The following ZNF589 variants were observed in gnomAD, a reference collection of about 807,000 sequenced individuals.
ZNF589 encodes zinc finger protein 589, also known as KRAB-zinc finger protein SZF1-1.
A neutral mutation model predicts 13.6 loss-of-function variants in ZNF589; 17 were observed. The observed-to-expected ratio is 1.25, with a 90% confidence interval of 0.86 to 1.88. The LOEUF (loss-of-function observed/expected upper bound fraction) is 1.88. Ranked by LOEUF, ZNF589 falls within the 40% of genes most tolerant of loss-of-function variation. ZNF589 has a pLI of 0.00. For missense variants in ZNF589, 407 were observed against 434.0 expected (o/e 0.94, Z 0.55); for synonymous variants, 148 against 161.6 (o/e 0.92, Z 0.64).
At chr3:48,259,918 CAAAAAAAA>C (rs538817691) in intron 2 of ZNF589, among the ~76,000 whole-genome samples, 1 of 98,162 alleles carries the variant, frequency 1.0e-5, no homozygotes, top group African/African-American at 4.0e-5. Context: ...GACTCCGTAT[CAAAAAAAA>C]AAAAAAAAAA....
chr3:48,248,471 C>T (rs1053566983), intron 2 of ZNF589, among the ~76,000 whole-genome samples: 5 of 152,146 alleles, frequency 3.3e-5, no homozygotes, highest in Admixed American at 2.0e-4. Context: ...TCCAACTCTA[C>T]GAAATGGGGT....
rs1182649522 is a variant in ZNF589, at chr3:48,270,255, C to T, written c.*1469C>T. ...TTTACCAGGTCCCCTTCCTAACCCT[C>T]CAGTCCCAAATCCAAGATTCTTTAA... On this transcript the variant is annotated 3_prime_UTR_variant, in exon 4 of 4. Coordinates refer to ENST00000354698, the MANE Select transcript of ZNF589 (RefSeq NM_016089.3). 1 of 457,028 alleles carries T rather than the reference C, an allele frequency of 2.2e-6. No individual in the cohort carries two copies. Among genetic ancestry groups the T allele is most frequent in the East Asian group, 6.9e-5 (1 of 14,394 alleles). 28.3% of individuals were successfully genotyped at this position (457,028 alleles called of 1,614,324 possible). A position where few individuals can be genotyped will look rare whatever the true frequency, so the allele number is the denominator to read the frequency against.
At position 48,260,628 on chromosome 3, in the gene ZNF589, C is replaced by T. The variant is rs528069092; in HGVS notation, c.97-185C>T. 5.3e-5 allele frequency among the ~76,000 whole-genome samples: 8 copies of T among 152,234 alleles called. No individual in the cohort carries two copies. In the South Asian group the frequency reaches 8.3e-4, roughly 16 times the overall value. ...TTCACCATATTGGCCAGTCTGGTCT[C>T]GAACTCCTGACCTCAAGATAACCTC... On this transcript the variant is annotated intron_variant, in intron 2 of 3. Coordinates refer to ENST00000354698, the MANE Select transcript of ZNF589 (RefSeq NM_016089.3).
chr3:48,241,418 C>T (rs1444593800), intron 1 of ZNF589, among the ~76,000 whole-genome samples: 13 of 152,270 alleles, frequency 8.5e-5, no homozygotes, highest in Admixed American at 8.5e-4. Flanking sequence ...CACTCCACGA[C>T]TCTTCACCGG....
intron 3 of ZNF589, among the ~76,000 whole-genome samples, chr3:48,265,299 T>A (rs2034008381): frequency 7.2e-6 from 1 of 138,768 alleles, no homozygotes; most frequent in Non-Finnish European, 1.6e-5. Flanking sequence ...TTTTTTTTTT[T>A]TTGGAGACAG....
rs748300010 is a variant in ZNF589, at chr3:48,268,383, T to G, written c.692T>G (p.Phe231Cys). 7 of 1,614,154 alleles carry G rather than the reference T, an allele frequency of 4.3e-6. No individual in the cohort carries two copies. The East Asian group carries it at 1.6e-4, about 36-fold the overall frequency. Residue 231 changes from phenylalanine to cysteine, a missense_variant, in exon 4 of 4, where the codon TTC (phenylalanine) becomes TGC (cysteine). Coordinates refer to ENST00000354698, the MANE Select transcript of ZNF589 (RefSeq NM_016089.3). The part of the protein sequence containing the change: ...ALAFNQKSNL[F>C]RQKAVTAEKS... ...GCTTTTAACCAGAAGTCAAACCTGT[T>G]CAGACAGAAGGCAGTCACAGCAGAA...
chr3:48,268,445 G>T lies in ZNF589; in HGVS notation c.754G>T (p.Glu252Ter), dbSNP rs371658406. The change falls in exon 4 of 4, where the codon GAG becomes TAG. Residue 252 changes from glutamate to a stop codon, truncating the protein, a stop_gained. Coordinates refer to ENST00000354698, the MANE Select transcript of ZNF589 (RefSeq NM_016089.3). LOFTEE classifies it low-confidence loss of function (END_TRUNC). ...SDKRQSQVCR[E>*]CGRGFSRKSQ... ...CAAAAGGCAGTCACAGGTGTGCAGGGAGTGTGGGCGAGGCTTTAGCAGGAA... is the reference window on the plus strand; with the variant it reads ...CAAAAGGCAGTCACAGGTGTGCAGGTAGTGTGGGCGAGGCTTTAGCAGGAA... 6.2e-7 allele frequency: 1 copy of T among 1,614,094 alleles called. No individual in the cohort carries two copies. Among genetic ancestry groups the T allele is most frequent in the African/African-American group, 1.3e-5 (1 of 74,934 alleles).
At chr3:48,242,334 A>G (rs1182861848) in intron 1 of ZNF589, among the ~76,000 whole-genome samples, 2 of 150,706 alleles carry the variant, frequency 1.3e-5, no homozygotes, top group Non-Finnish European at 3.0e-5. Context: ...CCGGTCTTGA[A>G]CTCCTGACCC....
intron 3 of ZNF589, among the ~76,000 whole-genome samples, chr3:48,267,117 A>C (rs1178165342): frequency 2.0e-5 from 3 of 152,214 alleles, no homozygotes; most frequent in Non-Finnish European, 4.4e-5. Flanking sequence ...GCCAAGTTCT[A>C]CCAGAAGTGA....
At chr3:48,256,209 C>T (rs2033901379) in intron 2 of ZNF589, 2 of 319,752 alleles carry the variant, frequency 6.3e-6, no homozygotes, top group Admixed American at 4.6e-5. Context: ...ATCCCACTGT[C>T]CCCTGTCCAT....
chr3:48,241,181 C>T lies in ZNF589; in HGVS notation c.10C>T (p.Pro4Ser), dbSNP rs1271684872. ...GTGCGTGCGCGCGCAGATGTGGGCC[C>T]CGCGGGAGCAGCTACTGGGCTGGAC... MWA[P>S]REQLLGWTAE... The change falls in exon 1 of 4, where the codon CCG (proline) becomes TCG (serine). Residue 4 changes from proline (P) to serine (S), a missense_variant. Physicochemically the swap from Pro to Ser is moderately conservative, Grantham distance 74 (BLOSUM62 -1). Coordinates refer to ENST00000354698, the MANE Select transcript of ZNF589 (RefSeq NM_016089.3). The T allele has an allele frequency of 3.1e-6, 5 of 1,613,652 alleles. No individual in the cohort carries two copies. The highest frequency in any genetic ancestry group is 2.5e-6 in the Non-Finnish European group (3 of 1,179,916).
At chr3:48,247,803 A>G (rs1451634015) in intron 2 of ZNF589, 126 bp downstream of exon 2, 1 of 974,786 alleles carries the variant, frequency 1.0e-6, no homozygotes, top group Non-Finnish European at 1.5e-6. Flanking sequence ...TGTGTTAGCC[A>G]TTGTTCTAGG....
At chr3:48,250,399 C>T (rs765225401) in intron 2 of ZNF589, among the ~76,000 whole-genome samples, 1 of 150,126 alleles carries the variant, frequency 6.7e-6, no homozygotes, top group Non-Finnish European at 1.5e-5. Context: ...CAGTCCTCCC[C>T]TCTTGGACTC....
At chr3:48,241,736 T>G (rs2033701051) in intron 1 of ZNF589, among the ~76,000 whole-genome samples, 1 of 152,078 alleles carries the variant, frequency 6.6e-6, no homozygotes, top group Non-Finnish European at 1.5e-5. Flanking sequence ...TTCACCATGT[T>G]GGCCAGGCTG....
rs893707976 is a variant in ZNF589 at position 48,270,068 on chromosome 3, C to T, written c.*1282C>T. 2.2e-6 allele frequency: 1 copy of T among 457,134 alleles called. No individual in the cohort carries two copies. The highest frequency in any genetic ancestry group is 4.4e-6 in the Non-Finnish European group (1 of 227,112). 28.3% of individuals were successfully genotyped at this position (457,134 alleles called of 1,614,324 possible). On this transcript the variant is annotated 3_prime_UTR_variant, in exon 4 of 4. Transcript: ENST00000354698. ...GGTCCCCTTGGAGGAATGGTCTTTG[C>T]ATCTGACTACTTCCTTCTGCAACTG...
chr3:48,264,263 G>T (rs2033997218), intron 3 of ZNF589, among the ~76,000 whole-genome samples: 1 of 152,132 alleles, frequency 6.6e-6, no homozygotes, highest in Non-Finnish European at 1.5e-5. Flanking sequence ...GGCCGGGCAT[G>T]GTGGCTCACA....
rs140717408 is a variant in ZNF589 at position 48,270,043 on chromosome 3, G to A, written c.*1257G>A. 4.8e-5 allele frequency: 22 copies of A among 457,276 alleles called. No homozygotes were observed. The Middle Eastern group carries it at 9.7e-4, about 20-fold the overall frequency. The allele number at this position is 457,276 out of a possible 1,614,324, so 28.3% of individuals were successfully genotyped here. Reference sequence around the variant, plus strand: ...TCTGAGAGCAGAGGTGTCAAGTGACGGTCCCCTTGGAGGAATGGTCTTTGC... The same window carrying A: ...TCTGAGAGCAGAGGTGTCAAGTGACAGTCCCCTTGGAGGAATGGTCTTTGC... On this transcript the variant is annotated 3_prime_UTR_variant, in exon 4 of 4. Transcript: ENST00000354698.
intron 2 of ZNF589, among the ~76,000 whole-genome samples, chr3:48,249,806 C>T (rs1026120648): frequency 3.3e-5 from 5 of 152,108 alleles, no homozygotes; most frequent in African/African-American, 1.2e-4. Context: ...TGAGAACATC[C>T]AAAAGCCTCT....
chr3:48,244,429 T>A lies in ZNF589; in HGVS notation c.44-3196T>A, dbSNP rs189167807. 4.2e-3 allele frequency among the ~76,000 whole-genome samples: 645 copies of A among 152,148 alleles called. 2 individuals carry two copies. Among genetic ancestry groups the A allele is most frequent in the Non-Finnish European group, 6.4e-3 (434 of 68,006 alleles). ...ACAGTTATCAAACAAGACTATAATT[T>A]TATATATATATTTTTAATTTTAAAA... On this transcript the variant is annotated intron_variant, in intron 1 of 3. Transcript: ENST00000354698.
Sources: gnomAD v4.1 joint callset for allele counts (sites outside exome capture counted in the v4.1 genomes callset) on GRCh38, gnomAD v4.1.1 for gene constraint, MANE v1.5 for transcripts, NCBI Gene and HGNC (gene_info 2026-07-23, HGNC 2026-07-21) for gene names.